Variants in SAV1 observed in about 807,000 individuals in gnomAD.
SAV1 encodes protein salvador homolog 1.
Under a neutral mutation model 47.3 loss-of-function variants are expected in SAV1, and 23 were observed. The ratio of observed to expected loss-of-function variants is 0.49; its 90% CI spans 0.35 to 0.69. SAV1 has a LOEUF of 0.69. Among genes scored for constraint, SAV1 ranks in the 30% least tolerant of loss-of-function variants. SAV1 has a pLI of 0.01. For missense variants in SAV1, 448 were observed against 457.4 expected (o/e 0.98, Z 0.19); for synonymous variants, 155 against 159.2 (o/e 0.97, Z 0.20).
chr14:50,649,416 TTAAA>T (rs1477870951), intron 2 of SAV1, among the ~76,000 whole-genome samples: 3 of 152,220 alleles, frequency 2.0e-5, no homozygotes, highest in African/African-American at 4.8e-5. Context: ...ATAGTAAGTG[TTAAA>T]TAAATAAGCT....
chr14:50,645,744 A>G (rs1336129073), intron 2 of SAV1, among the ~76,000 whole-genome samples: 1 of 152,168 alleles, frequency 6.6e-6, no homozygotes, highest in Non-Finnish European at 1.5e-5. Context: ...AAAAAATGTA[A>G]AAATGAACTT....
At position 50,640,895 on chromosome 14, in the gene SAV1, T is replaced by C. The variant is rs926218457; in HGVS notation, c.807-2A>G. 5 of 1,600,242 alleles carry C rather than the reference T, an allele frequency of 3.1e-6. No individual in the cohort carries two copies. Among genetic ancestry groups the C allele is most frequent in the Non-Finnish European group, 4.3e-6 (5 of 1,173,068 alleles). ...GGTGGTTGATCATACCGAGGTACAC[T>C]AAGAAGAAAGGAGTGACATTCTTTA... On this transcript the variant is annotated splice_acceptor_variant, in intron 3 of 4. Transcript: ENST00000324679. LOFTEE classifies it high-confidence loss of function.
At chr14:50,640,927 A>T in intron 3 of SAV1, 34 bp from the exon 4 acceptor site, 1 of 1,548,916 alleles carries the variant, frequency 6.5e-7, no homozygotes, top group Non-Finnish European at 8.7e-7. Flanking sequence ...TTTAGGATAA[A>T]GGTCTTAAAA....
intron 3 of SAV1, among the ~76,000 whole-genome samples, chr14:50,642,256 C>A (rs114684547): frequency 1.3e-5 from 2 of 151,936 alleles, no homozygotes; most frequent in Non-Finnish European, 2.9e-5. Context: ...AGGGACCGGG[C>A]GTGATGGCTC....
chr14:50,660,207 T>C (rs887551000), intron 2 of SAV1, among the ~76,000 whole-genome samples: 14 of 152,178 alleles, frequency 9.2e-5, no homozygotes, highest in African/African-American at 3.4e-4. Context: ...CAGCAACTGA[T>C]TCAGCACATG....
At position 50,643,321 on chromosome 14, in the gene SAV1, T is replaced by G. The variant is rs11851445; in HGVS notation, c.806+1423A>C. Reference sequence around the variant, plus strand: ...AATTTATAAAGAAAAGAGGTTTAATTGACCCACAGTTCCATAATTGGGAGG... The same window carrying G: ...AATTTATAAAGAAAAGAGGTTTAATGGACCCACAGTTCCATAATTGGGAGG... On this transcript the variant is annotated intron_variant, in intron 3 of 4. Transcript: ENST00000324679. Among the ~76,000 whole-genome samples the G allele has an allele frequency of 7.8e-3, 1,186 of 152,320 alleles. 21 individuals carry two copies. The highest frequency in any genetic ancestry group is 0.027 in the African/African-American group (1,106 of 41,574).
chr14:50,655,126 G>C (rs1393816597), intron 2 of SAV1, among the ~76,000 whole-genome samples: 4 of 152,138 alleles, frequency 2.6e-5, no homozygotes, highest in Non-Finnish European at 4.4e-5. Context: ...AGTACTTAAA[G>C]AGAAAATATT....
At chr14:50,662,796 A>G (rs2039870985) in intron 2 of SAV1, 1 of 152,238 alleles carries the variant, frequency 6.6e-6, no homozygotes, top group South Asian at 2.1e-4. Flanking sequence ...AAAGAATAAC[A>G]CATATTCTAT....
chr14:50,644,406 T>C (rs1011317862), intron 3 of SAV1, among the ~76,000 whole-genome samples: 1 of 152,198 alleles, frequency 6.6e-6, no homozygotes, highest in Non-Finnish European at 1.5e-5. Flanking sequence ...GGTAGGTCTG[T>C]TATTATTTGT....
intron 2 of SAV1, among the ~76,000 whole-genome samples, chr14:50,647,332 A>C (rs1017966879): frequency 5.3e-5 from 8 of 152,200 alleles, no homozygotes; most frequent in African/African-American, 1.7e-4. Flanking sequence ...ATGTTTGCAA[A>C]TCACATTATT....
intron 2 of SAV1, among the ~76,000 whole-genome samples, chr14:50,655,801 A>C (rs2039807374): frequency 6.6e-6 from 1 of 151,826 alleles, no homozygotes; most frequent in Non-Finnish European, 1.5e-5. Context: ...TGATCCCAGC[A>C]CTGGGGGGCC....
Position 50,648,735 on chromosome 14 carries a change from G to A in SAV1, c.536-3721C>T, listed in dbSNP as rs183545354. On this transcript the variant is annotated intron_variant, in intron 2 of 4. Transcript: ENST00000324679. ...GGAGGTTGCAGTGAGCCGAGATTGCGCCACTGCACTCCAGCCTGGGCGACG... is the reference window on the plus strand; with the variant it reads ...GGAGGTTGCAGTGAGCCGAGATTGCACCACTGCACTCCAGCCTGGGCGACG... Among the ~76,000 whole-genome samples the A allele has an allele frequency of 9.2e-3, 1,392 of 151,764 alleles. 6 individuals are homozygous for A. The highest frequency in any genetic ancestry group is 0.044 in the Middle Eastern group (13 of 294).
At chr14:50,664,310 A>G (rs2039883443) in intron 2 of SAV1, 2 of 152,224 alleles carry the variant, frequency 1.3e-5, no homozygotes, top group African/African-American at 4.8e-5. Context: ...GCTCCAAACC[A>G]TTTTTAAGTC....
chr14:50,667,885 G>A lies in SAV1; in HGVS notation c.83C>T (p.Pro28Leu), dbSNP rs532127188. ...CGCCTGACACTCACTCCGAAGCAGAGGCGACGTCTCCTTCTTCACGTACTT... is the reference window on the plus strand; with the variant it reads ...CGCCTGACACTCACTCCGAAGCAGAAGCGACGTCTCCTTCTTCACGTACTT... The part of the protein sequence containing the change: ...QGKYVKKETS[P>L]LLRNLMPSFI... The change falls in exon 1 of 5, where the codon CCT (proline) becomes CTT (leucine). Residue 28 changes from proline (P) to leucine (L), a missense_variant. Coordinates refer to ENST00000324679, the MANE Select transcript of SAV1 (RefSeq NM_021818.4). 9 of 1,613,094 alleles carry A rather than the reference G, an allele frequency of 5.6e-6. No homozygotes were observed. Among genetic ancestry groups the A allele is most frequent in the South Asian group, 4.4e-5 (4 of 91,062 alleles).
intron 2 of SAV1, among the ~76,000 whole-genome samples, chr14:50,658,096 GCTTT>G (rs895648012): frequency 1.6e-4 from 25 of 152,160 alleles, no homozygotes; most frequent in African/African-American, 6.0e-4. Context: ...TCAACCAAAT[GCTTT>G]CTCTCTTCCT....
intron 2 of SAV1, among the ~76,000 whole-genome samples, chr14:50,661,733 C>T (rs556814884): frequency 9.5e-4 from 145 of 152,284 alleles, no homozygotes; most frequent in South Asian, 2.5e-3. Flanking sequence ...GTAAAAAAAT[C>T]AGTTGGCTGT....
At chr14:50,655,637 G>T (rs927929325) in intron 2 of SAV1, among the ~76,000 whole-genome samples, 2 of 151,840 alleles carry the variant, frequency 1.3e-5, no homozygotes, top group African/African-American at 4.8e-5. Context: ...TGTTGGTCAG[G>T]CTGGTCTCCA....
chr14:50,646,075 C>T (rs999587133), intron 2 of SAV1, among the ~76,000 whole-genome samples: 2 of 152,110 alleles, frequency 1.3e-5, no homozygotes, highest in Non-Finnish European at 2.9e-5. Context: ...AGGAGTCCCC[C>T]CCTTATCCAT....
chr14:50,635,563 G>T (rs79812582), intron 4 of SAV1, among the ~76,000 whole-genome samples, 179 bp from the exon 5 acceptor site: 5,122 of 152,068 alleles, frequency 0.034, 92 homozygotes, highest in Middle Eastern at 0.051. Context: ...CTACTTGGGA[G>T]GCTGAGGTGG....
Sources: gnomAD v4.1 joint callset for allele counts (sites outside exome capture counted in the v4.1 genomes callset) on GRCh38, gnomAD v4.1.1 for gene constraint, MANE v1.5 for transcripts, NCBI Gene and HGNC (gene_info 2026-07-23, HGNC 2026-07-21) for gene names.